RBFOX1: variants seen among roughly 807,000 people sequenced by gnomAD.
RBFOX1 encodes RNA binding fox-1 homolog 1.
In RBFOX1, 8 loss-of-function variants were observed where a neutral mutation model predicts 57.7. The ratio of observed to expected loss-of-function variants is 0.14; its 90% CI spans 0.08 to 0.25. RBFOX1 has a LOEUF of 0.25. Among genes scored for constraint, RBFOX1 ranks in the 10% least tolerant of loss-of-function variants. RBFOX1 has a pLI of 1.00. For missense variants in RBFOX1, 611 were observed against 548.5 expected (o/e 1.11, Z -1.14); for synonymous variants, 326 against 222.4 (o/e 1.47, Z -4.15).
chr16:5,795,145 G>A (rs554219509), intron 3 of RBFOX1, among the ~76,000 whole-genome samples: 3 of 152,208 alleles, frequency 2.0e-5, no homozygotes, highest in Non-Finnish European at 4.4e-5. Context: ...CAGTAGCGAT[G>A]GATCTGAAAC....
intron 2 of RBFOX1, among the ~76,000 whole-genome samples, chr16:6,322,039 C>T (rs1375211771): frequency 4.6e-5 from 7 of 152,236 alleles, no homozygotes; most frequent in Non-Finnish European, 1.0e-4. Context: ...TCAGGAACCT[C>T]AGTCCCAAGC....
intron 3 of RBFOX1, among the ~76,000 whole-genome samples, chr16:6,895,559 G>A (rs1281189751): frequency 6.7e-6 from 1 of 149,724 alleles, no homozygotes; most frequent in Non-Finnish European, 1.5e-5. Context: ...CATGATTGAT[G>A]AGAGGAAGGA....
chr16:6,905,619 G>T (rs1487158697), intron 3 of RBFOX1, among the ~76,000 whole-genome samples: 1 of 151,680 alleles, frequency 6.6e-6, no homozygotes, highest in East Asian at 1.9e-4. Context: ...GTTGGACTTT[G>T]TGTTTATTCC....
intron 3 of RBFOX1, among the ~76,000 whole-genome samples, chr16:5,680,011 G>C (rs1248596095): frequency 6.6e-6 from 1 of 152,220 alleles, no homozygotes; most frequent in African/African-American, 2.4e-5. Flanking sequence ...CTCCCTATGA[G>C]TGTGTTGAAT....
intron 3 of RBFOX1, among the ~76,000 whole-genome samples, chr16:6,754,179 C>G (rs1487122302): frequency 1.3e-5 from 2 of 152,260 alleles, no homozygotes; most frequent in Non-Finnish European, 2.9e-5. Flanking sequence ...TTGCAAAACT[C>G]AACACTCAGG....
At chr16:7,083,990 G>C (rs932921924) in intron 4 of RBFOX1, among the ~76,000 whole-genome samples, 1 of 152,040 alleles carries the variant, frequency 6.6e-6, no homozygotes, top group African/African-American at 2.4e-5. Context: ...TCACAGTCTT[G>C]ATACCCTGTG....
At chr16:6,354,483 A>C (rs1474013527) in intron 2 of RBFOX1, among the ~76,000 whole-genome samples, 1 of 152,084 alleles carries the variant, frequency 6.6e-6, no homozygotes, top group South Asian at 2.1e-4. Flanking sequence ...GATCAGGTTG[A>C]TGTCCCTGAC....
At chr16:6,292,708 C>A (rs1253077342) in intron 1 of RBFOX1, among the ~76,000 whole-genome samples, 1 of 152,162 alleles carries the variant, frequency 6.6e-6, no homozygotes, top group African/African-American at 2.4e-5. Flanking sequence ...GTCAAAAAGT[C>A]ATTGAACTAT....
In RBFOX1 at chr16:5,468,439, C is replaced by T. The variant is rs539215769; in HGVS notation, c.258+1185C>T. 3.3e-5 allele frequency among the ~76,000 whole-genome samples: 5 copies of T among 152,288 alleles called. No individual in the cohort carries two copies. In the East Asian group the frequency reaches 9.7e-4, roughly 29 times the overall value. Reference sequence around the variant, plus strand: ...TCTGAGTTTTTCACATAAGTGGAATCATATAGTAAGTGGCCTTTTGTGTCT... The same window carrying T: ...TCTGAGTTTTTCACATAAGTGGAATTATATAGTAAGTGGCCTTTTGTGTCT... On this transcript the variant is annotated intron_variant, in intron 2 of 2. Coordinates refer to the RBFOX1 transcript ENST00000585867.
chr16:6,963,802 C>T (rs1254955877), intron 3 of RBFOX1, among the ~76,000 whole-genome samples: 2 of 150,320 alleles, frequency 1.3e-5, no homozygotes, highest in Non-Finnish European at 3.0e-5. Flanking sequence ...GGGTTCATGC[C>T]ATTCTCCTGC....
intron 4 of RBFOX1, among the ~76,000 whole-genome samples, chr16:5,893,596 CAG>C (rs1209561239): frequency 6.6e-6 from 1 of 152,110 alleles, no homozygotes. Context: ...CACCTGAGGT[CAG>C]GGGTTCGAGA....
At chr16:6,823,625 C>T (rs957467140) in intron 3 of RBFOX1, among the ~76,000 whole-genome samples, 1 of 152,102 alleles carries the variant, frequency 6.6e-6, no homozygotes, top group Non-Finnish European at 1.5e-5. Flanking sequence ...CAGTTTTCCT[C>T]CCTTGATTTT....
chr16:6,494,203 C>T (rs2095703927), intron 2 of RBFOX1, among the ~76,000 whole-genome samples: 1 of 152,140 alleles, frequency 6.6e-6, no homozygotes, highest in Non-Finnish European at 1.5e-5. Context: ...GGCTGCAATC[C>T]ACTGACCTTA....
chr16:6,494,133 T>A (rs1252318983), intron 2 of RBFOX1, among the ~76,000 whole-genome samples: 1 of 152,220 alleles, frequency 6.6e-6, no homozygotes, highest in Non-Finnish European at 1.5e-5. Flanking sequence ...TTGTACACTA[T>A]TCTCTAATGG....
chr16:6,597,174 T>C (rs1395931323), intron 2 of RBFOX1, among the ~76,000 whole-genome samples: 1 of 152,202 alleles, frequency 6.6e-6, no homozygotes, highest in African/African-American at 2.4e-5. Context: ...TTTTATAAAT[T>C]ACTAAGGACG....
chr16:5,860,482 A>C (rs1275403551), intron 3 of RBFOX1, among the ~76,000 whole-genome samples: 1 of 152,184 alleles, frequency 6.6e-6, no homozygotes, highest in African/African-American at 2.4e-5. Context: ...CAGTTTGTTT[A>C]AGAACTCACA....
intron 3 of RBFOX1, among the ~76,000 whole-genome samples, chr16:6,768,236 C>T (rs186275945): frequency 6.6e-6 from 1 of 152,060 alleles, no homozygotes; most frequent in Admixed American, 6.6e-5. Flanking sequence ...AAACAAGGAC[C>T]TCACTTTTTA....
At chr16:6,343,008 C>G (rs79283672) in intron 2 of RBFOX1, among the ~76,000 whole-genome samples, 193 of 152,126 alleles carry the variant, frequency 1.3e-3, no homozygotes, top group African/African-American at 4.2e-3. Flanking sequence ...GTTTTTGATA[C>G]GAAACTCCAT....
chr16:6,820,472 G>C (rs1411388925), intron 3 of RBFOX1, among the ~76,000 whole-genome samples: 1 of 152,036 alleles, frequency 6.6e-6, no homozygotes, highest in Non-Finnish European at 1.5e-5. Flanking sequence ...GCATGGGAAA[G>C]ATAGAAAAAC....
Sources: gnomAD v4.1 joint callset for allele counts (sites outside exome capture counted in the v4.1 genomes callset) on GRCh38, gnomAD v4.1.1 for gene constraint, MANE v1.5 for transcripts, NCBI Gene and HGNC (gene_info 2026-07-23, HGNC 2026-07-21) for gene names.